COL19A1: variants seen among roughly 807,000 people sequenced by gnomAD.
COL19A1 encodes the protein collagen alpha-1(XIX) chain.
COL19A1 carries 159 observed loss-of-function variants against 190.2 expected under a neutral mutation model. The observed-to-expected ratio is 0.84, with a 90% confidence interval of 0.73 to 0.95. The LOEUF (loss-of-function observed/expected upper bound fraction) is 0.95, where lower values mean the gene tolerates loss of function less well. Among genes scored for constraint, COL19A1 ranks in the 40% least tolerant of loss-of-function variants. The probability of loss-of-function intolerance (pLI) is 0.00; values close to 1 mark genes in which losing one functional copy is unlikely to be tolerated. For synonymous variants in COL19A1, 509 were observed against 458.9 expected, an observed-to-expected ratio of 1.11 and a Z score of -1.39; for missense variants, 1,418 against 1,431.9, an observed-to-expected ratio of 0.99 and a Z score of 0.16.
chr6:70,126,877 A>G (rs10945199), intron 17 of COL19A1, among the ~76,000 whole-genome samples: 12,857 of 152,274 alleles, frequency 0.084, 612 homozygotes, highest in Middle Eastern at 0.13. Flanking sequence ...AGCAATAGTG[A>G]TCTGAATGGG....
At chr6:69,943,317 G>GTA (rs1184765022) in intron 9 of COL19A1, among the ~76,000 whole-genome samples, 2 of 152,072 alleles carry the variant, frequency 1.3e-5, no homozygotes, top group African/African-American at 4.8e-5. Context: ...TCCCTTGTCA[G>GTA]ATGAATACCT....
chr6:69,922,649 T>G (rs957933656), intron 4 of COL19A1, among the ~76,000 whole-genome samples: 1 of 151,894 alleles, frequency 6.6e-6, no homozygotes, highest in Non-Finnish European at 1.5e-5. Context: ...CCTGACTAAT[T>G]TTTGTATTTT....
At chr6:69,959,928 G>T in intron 9 of COL19A1, 68 bp from the exon 10 acceptor site, 1 of 1,457,116 alleles carries the variant, frequency 6.9e-7, no homozygotes, top group Non-Finnish European at 9.5e-7. Flanking sequence ...ATTTGTTAAA[G>T]ACCACAAAAA....
chr6:69,918,907 T>C (rs140774075), intron 4 of COL19A1, among the ~76,000 whole-genome samples: 44 of 152,172 alleles, frequency 2.9e-4, no homozygotes, highest in African/African-American at 9.6e-4. Context: ...ATATAAAACG[T>C]TCAATTTCAG....
chr6:70,106,354 G>C (rs1562178785), intron 16 of COL19A1, among the ~76,000 whole-genome samples: 1 of 152,010 alleles, frequency 6.6e-6, no homozygotes, highest in African/African-American at 2.4e-5. Context: ...GTGTGTGTGT[G>C]TGTGTGTAAG....
chr6:70,138,198 A>T (rs556741122), intron 19 of COL19A1, among the ~76,000 whole-genome samples: 1 of 152,288 alleles, frequency 6.6e-6, no homozygotes, highest in Admixed American at 6.5e-5. Context: ...TTGGAAACAC[A>T]TCTTTCTGCT....
At chr6:69,966,968 A>G (rs544696268) in intron 11 of COL19A1, among the ~76,000 whole-genome samples, 27 of 152,288 alleles carry the variant, frequency 1.8e-4, no homozygotes, top group African/African-American at 6.3e-4. Flanking sequence ...ACCATTCAAT[A>G]TTTTTAAGTA....
chr6:70,182,705 T>A (rs1766253620), intron 44 of COL19A1, among the ~76,000 whole-genome samples: 1 of 152,066 alleles, frequency 6.6e-6, no homozygotes. Flanking sequence ...TACAGGTAAG[T>A]AATATGAGGG....
intron 15 of COL19A1, among the ~76,000 whole-genome samples, chr6:70,095,908 T>C (rs1422967495): frequency 6.6e-6 from 1 of 152,218 alleles, no homozygotes; most frequent in Non-Finnish European, 1.5e-5. Context: ...TGTATGTTTG[T>C]ACAACATTTT....
chr6:70,128,354 A>T (rs1302619191), intron 17 of COL19A1, among the ~76,000 whole-genome samples: 3 of 152,196 alleles, frequency 2.0e-5, no homozygotes, highest in Non-Finnish European at 4.4e-5. Context: ...GAAAGTGTTG[A>T]GTCACAAAGA....
intron 16 of COL19A1, among the ~76,000 whole-genome samples, chr6:70,104,848 C>G (rs1783856519): frequency 6.6e-6 from 1 of 152,030 alleles, no homozygotes; most frequent in Non-Finnish European, 1.5e-5. Context: ...ACAAGCTTGC[C>G]AAATGTGTAG....
At chr6:70,037,248 C>T (rs138327744) in intron 14 of COL19A1, among the ~76,000 whole-genome samples, 3,211 of 152,094 alleles carry the variant, frequency 0.021, 48 homozygotes, top group Non-Finnish European at 0.029. Flanking sequence ...CTCCGCCTCC[C>T]GGGTTCAAGC....
intron 11 of COL19A1, among the ~76,000 whole-genome samples, chr6:69,996,961 T>C (rs1041207892): frequency 1.5e-4 from 23 of 150,890 alleles, no homozygotes; most frequent in African/African-American, 4.6e-4. Flanking sequence ...TGTACATATA[T>C]AGTATGTGTA....
At chr6:70,142,295 G>A (rs1265256624) in intron 22 of COL19A1, among the ~76,000 whole-genome samples, 2 of 152,064 alleles carry the variant, frequency 1.3e-5, no homozygotes, top group Non-Finnish European at 2.9e-5. Context: ...CTTTTTCAGA[G>A]CATATTCACA....
chr6:70,195,298 T>C (rs748196305), intron 48 of COL19A1, among the ~76,000 whole-genome samples: 3 of 152,080 alleles, frequency 2.0e-5, no homozygotes, highest in Non-Finnish European at 4.4e-5. Flanking sequence ...GCTGTCTGCA[T>C]ACATAAGAGC....
intron 41 of COL19A1, among the ~76,000 whole-genome samples, chr6:70,172,787 A>G (rs1045608969): frequency 1.3e-5 from 2 of 152,214 alleles, no homozygotes; most frequent in African/African-American, 2.4e-5. Flanking sequence ...TTATCTTTCA[A>G]TCTTTGTAAA....
chr6:69,972,950 G>C (rs1053229033), intron 11 of COL19A1, among the ~76,000 whole-genome samples: 2 of 152,114 alleles, frequency 1.3e-5, no homozygotes, highest in African/African-American at 4.8e-5. Flanking sequence ...TTGGGCTGTT[G>C]ACTGTAGTGA....
intron 14 of COL19A1, among the ~76,000 whole-genome samples, chr6:70,038,732 A>G (rs948658509): frequency 2.0e-5 from 3 of 152,176 alleles, no homozygotes; most frequent in Non-Finnish European, 2.9e-5. Context: ...GTCTGAGGTG[A>G]GATCTGAGCT....
chr6:69,900,946 A>C (rs1770151157), intron 4 of COL19A1, among the ~76,000 whole-genome samples: 1 of 152,202 alleles, frequency 6.6e-6, no homozygotes, highest in African/African-American at 2.4e-5. Flanking sequence ...TTCCATTCAA[A>C]TAGTGACAAT....
Sources: allele counts gnomAD v4.1 joint callset (sites outside exome capture counted in the v4.1 genomes callset), GRCh38; gene constraint gnomAD v4.1.1; transcripts MANE v1.5; gene names NCBI Gene and HGNC (gene_info 2026-07-23, HGNC 2026-07-21).